Variants in DHX36 observed in about 807,000 individuals in gnomAD.
DHX36 encodes DEAH-box helicase 36, also known as ATP-dependent DNA/RNA helicase DHX36.
In DHX36, 50 loss-of-function variants were observed where a neutral mutation model predicts 139.0. That is an observed-to-expected ratio of 0.36 (90% CI 0.29 to 0.46). The LOEUF is 0.46. Among genes scored for constraint, DHX36 ranks in the 20% least tolerant of loss-of-function variants. DHX36 has a pLI of 1.00. For missense variants in DHX36, 1,024 were observed against 1,211.3 expected, an observed-to-expected ratio of 0.85 and a Z score of 2.29; for synonymous variants, 425 against 401.9, an observed-to-expected ratio of 1.06 and a Z score of -0.69.
intron 3 of DHX36, among the ~76,000 whole-genome samples, chr3:154,314,133 T>C (rs1467777543): frequency 1.3e-5 from 2 of 152,234 alleles, no homozygotes; most frequent in Non-Finnish European, 2.9e-5. Context: ...AAAGCAGCTC[T>C]TCTCAACCAG....
At chr3:154,314,518 A>G (rs1712888179) in intron 3 of DHX36, 1 of 152,578 alleles carries the variant, frequency 6.6e-6, no homozygotes, top group Non-Finnish European at 1.5e-5. Context: ...AAATCACACA[A>G]TTTTATGTTT....
chr3:154,288,982 A>G lies in DHX36; in HGVS notation c.1933-18T>C. 8.2e-7 allele frequency: 1 copy of G among 1,226,158 alleles called. No homozygotes were observed. The highest frequency in any genetic ancestry group is 1.6e-5 in the South Asian group (1 of 62,416). The allele number at this position is 1,226,158 out of a possible 1,614,324, so 76.0% of individuals were successfully genotyped here. A position where few individuals can be genotyped will look rare whatever the true frequency, so the allele number is the denominator to read the frequency against. On this transcript the variant is annotated intron_variant, in intron 16 of 24. Transcript: ENST00000496811. ...CTTAAAATCTAAGTGGGGGAGACAA[A>G]TATTATTAAATACATATAATATTAA... is the stretch of plus-strand genomic sequence containing the variant.
Position 154,303,364 on chromosome 3 carries a change from C to T in DHX36, c.1182G>A (p.Val394=). ...IHIPGFTFPV[V]EYLLEDVIEK... The stretch of plus-strand genomic sequence containing the variant: ...CAATTACATCTTCCAAAAGATATTC[C>T]ACAACCGGAAAGGTAAAACCAGGTA... Residue 394 remains valine (V), a synonymous_variant, in exon 9 of 25, where the codon GTG becomes GTA. Transcript: ENST00000496811. 15 of 1,606,918 alleles carry T rather than the reference C, an allele frequency of 9.3e-6. No homozygotes were observed. The highest frequency in any genetic ancestry group is 1.3e-5 in the Non-Finnish European group (15 of 1,177,062).
In DHX36 at chr3:154,303,391, A is replaced by G. The variant is rs1712377403; in HGVS notation, c.1155T>C (p.His385=). ...CAACCGGAAAGGTAAAACCAGGTAT[A>G]TGTATCATTGGACAGTTACCTATTA... ...SEYFGNCPMI[H]IPGFTFPVVE... The change falls in exon 9 of 25, where the codon CAT becomes CAC. Residue 385 remains histidine, a synonymous_variant. Transcript: ENST00000496811. 6.2e-7 allele frequency: 1 copy of G among 1,606,202 alleles called. No individual in the cohort carries two copies. The highest frequency in any genetic ancestry group is 8.5e-7 in the Non-Finnish European group (1 of 1,176,950).
intron 15 of DHX36, 59 bp from the exon 16 acceptor site, chr3:154,289,885 G>C: frequency 1.9e-6 from 2 of 1,050,182 alleles, no homozygotes; most frequent in Non-Finnish European, 2.9e-6. Context: ...TGACTTTTTA[G>C]AACTGCAGAG....
chr3:154,320,552 C>A (rs187980700), intron 1 of DHX36, among the ~76,000 whole-genome samples: 4 of 152,252 alleles, frequency 2.6e-5, no homozygotes, highest in African/African-American at 7.2e-5. Context: ...GGCATCAGAT[C>A]TACACAGCCC....
At chr3:154,297,663 T>A (rs1301341168) in intron 12 of DHX36, among the ~76,000 whole-genome samples, 2 of 150,722 alleles carry the variant, frequency 1.3e-5, no homozygotes, top group African/African-American at 4.9e-5. Context: ...TGAGCTGAGA[T>A]CGTGCCACTG....
intron 15 of DHX36, among the ~76,000 whole-genome samples, chr3:154,292,306 T>G (rs1472364060): frequency 6.6e-6 from 1 of 152,142 alleles, no homozygotes; most frequent in African/African-American, 2.4e-5. Flanking sequence ...CTATTATAAG[T>G]AACATAACTT....
At chr3:154,306,344 A>C in intron 5 of DHX36, 49 bp from the exon 6 acceptor site, 1 of 1,467,246 alleles carries the variant, frequency 6.8e-7, no homozygotes, top group Non-Finnish European at 9.5e-7. Context: ...TTTAGAACAA[A>C]TATCCTGAAT....
chr3:154,280,598 A>T lies in DHX36; in HGVS notation c.2548T>A (p.Leu850Met), dbSNP rs1158088108. ...YPKVAKIRLN[L>M]GKKRKMVKVY... ...GCTTACATTTTTCTTTTTTTACCCA[A>T]ATTTAGTCGAATTTTAGCAACTTTG... The change falls in exon 22 of 25, where the codon TTG (leucine) becomes ATG (methionine). Residue 850 changes from leucine (L) to methionine (M), a missense_variant. Coordinates refer to ENST00000496811, the MANE Select transcript of DHX36 (RefSeq NM_020865.3). The T allele has an allele frequency of 4.3e-6, 7 of 1,611,054 alleles. No homozygotes were observed. Among genetic ancestry groups the T allele is most frequent in the Non-Finnish European group, 5.9e-6 (7 of 1,178,868 alleles).
intron 15 of DHX36, among the ~76,000 whole-genome samples, chr3:154,290,344 A>T (rs1711740515): frequency 1.3e-5 from 2 of 152,158 alleles, no homozygotes; most frequent in African/African-American, 4.8e-5. Flanking sequence ...CAATGATAAG[A>T]CTAGATGTAG....
At chr3:154,300,809 G>T in intron 10 of DHX36, 113 bp from the exon 11 acceptor site, 2 of 1,262,044 alleles carry the variant, frequency 1.6e-6, no homozygotes, top group Non-Finnish European at 2.3e-6. Flanking sequence ...TCTACAGATC[G>T]GAGAGAATTA....
At chr3:154,311,181 G>C (rs1455355400) in intron 4 of DHX36, among the ~76,000 whole-genome samples, 3 of 151,896 alleles carry the variant, frequency 2.0e-5, no homozygotes, top group East Asian at 1.9e-4. Context: ...AAATAAGGTT[G>C]AGAAAACAGA....
intron 21 of DHX36, 31 bp from the exon 22 acceptor site, chr3:154,280,700 G>C: frequency 6.2e-7 from 1 of 1,606,788 alleles, no homozygotes; most frequent in Non-Finnish European, 8.5e-7. Flanking sequence ...GAGGGGAAAA[G>C]AAAAGTAAAA....
intron 14 of DHX36, 78 bp from the exon 15 acceptor site, chr3:154,292,772 T>C (rs1051411176): frequency 1.6e-5 from 25 of 1,534,816 alleles, no homozygotes; most frequent in Non-Finnish European, 2.2e-5. Context: ...TCGAAAGCAC[T>C]ATTAACCTAT....
intron 20 of DHX36, 100 bp downstream of exon 20, chr3:154,283,088 T>C (rs1378798344): frequency 3.3e-5 from 27 of 830,602 alleles, no homozygotes; most frequent in Admixed American, 3.0e-4. Flanking sequence ...TCAATTTCCA[T>C]ATATTTGACT....
chr3:154,276,873 A>T lies in DHX36; in HGVS notation c.2715T>A (p.Val905=), dbSNP rs754013959. 181 of 1,613,656 alleles carry T rather than the reference A, an allele frequency of 1.1e-4. 1 individual carries two copies. The highest frequency in any genetic ancestry group is 5.9e-6 in the Non-Finnish European group (7 of 1,179,840). ...CAAAAAACAAGAGACAGTATGGGGAAACCTCTGTGCAGTCATACAAGTATA... is the reference window on the plus strand; with the variant it reads ...CAAAAAACAAGAGACAGTATGGGGATACCTCTGTGCAGTCATACAAGTATA... ...SSIYLYDCTE[V]SPYCLLFFGG... is the part of the protein sequence containing the mutation. Residue 905 remains valine, a synonymous_variant, in exon 24 of 25, where the codon GTT becomes GTA. Transcript: ENST00000496811.
chr3:154,293,348 G>C (rs1194912294), intron 14 of DHX36, among the ~76,000 whole-genome samples: 1 of 152,148 alleles, frequency 6.6e-6, no homozygotes, highest in Non-Finnish European at 1.5e-5. Context: ...GGGAGGTTGA[G>C]GTAATAGGAT....
At chr3:154,317,666 C>T (rs1054840041) in intron 1 of DHX36, among the ~76,000 whole-genome samples, 7 of 151,932 alleles carry the variant, frequency 4.6e-5, no homozygotes, top group Non-Finnish European at 1.0e-4. Flanking sequence ...ACTACTGTAT[C>T]CAACAACTAG....
Sources: allele counts gnomAD v4.1 joint callset (sites outside exome capture counted in the v4.1 genomes callset), GRCh38; gene constraint gnomAD v4.1.1; transcripts MANE v1.5; gene names NCBI Gene and HGNC (gene_info 2026-07-23, HGNC 2026-07-21).